RSRC1: variants seen among roughly 807,000 people sequenced by gnomAD.
RSRC1 encodes arginine and serine rich coiled-coil 1, also known as serine/Arginine-related protein 53.
A neutral mutation model predicts 49.1 loss-of-function variants in RSRC1; 39 were observed. That is an observed-to-expected ratio of 0.79 (90% CI 0.61 to 1.04). The LOEUF is 1.04. RSRC1 is among the 50% of genes least tolerant of loss of function. The pLI, the probability that RSRC1 is intolerant of heterozygous loss-of-function variation, is 0.00. For missense variants in RSRC1, 388 were observed against 402.4 expected (o/e 0.96, Z 0.31); for synonymous variants, 143 against 130.8 (o/e 1.09, Z -0.63).
At chr3:158,463,630 G>A (rs1285893519) in intron 7 of RSRC1, among the ~76,000 whole-genome samples, 1 of 152,064 alleles carries the variant, frequency 6.6e-6, no homozygotes, top group African/African-American at 2.4e-5. Flanking sequence ...TCCACTCTCT[G>A]TTATCTCAGA....
chr3:158,238,281 G>A (rs140585257), intron 4 of RSRC1, among the ~76,000 whole-genome samples: 3,673 of 152,218 alleles, frequency 0.024, 156 homozygotes, highest in African/African-American at 0.084. Flanking sequence ...CGTGAAAATG[G>A]CCACACTGCC....
chr3:158,249,584 A>G (rs1400125604), intron 4 of RSRC1, among the ~76,000 whole-genome samples: 1 of 152,202 alleles, frequency 6.6e-6, no homozygotes. Context: ...AAATTCATGT[A>G]TAAGTCTTTG....
chr3:158,123,508 A>T (rs1184804911), intron 2 of RSRC1, among the ~76,000 whole-genome samples: 1 of 151,728 alleles, frequency 6.6e-6, no homozygotes, highest in African/African-American at 2.4e-5. Flanking sequence ...GTGTTGCCCA[A>T]GCTGGTATCG....
chr3:158,421,068 T>G (rs1735018604), intron 6 of RSRC1, among the ~76,000 whole-genome samples: 1 of 151,784 alleles, frequency 6.6e-6, no homozygotes, highest in Admixed American at 6.6e-5. Flanking sequence ...TGCCTGGGAG[T>G]AAAGGGGTTT....
chr3:158,138,723 T>C (rs1006708358), intron 3 of RSRC1, among the ~76,000 whole-genome samples: 1 of 152,244 alleles, frequency 6.6e-6, no homozygotes, highest in Admixed American at 6.5e-5. Flanking sequence ...TAATGTTTCC[T>C]ATATTCCATG....
chr3:158,300,669 A>G (rs560507145), intron 5 of RSRC1, among the ~76,000 whole-genome samples: 1 of 152,330 alleles, frequency 6.6e-6, no homozygotes, highest in African/African-American at 2.4e-5. Flanking sequence ...GTTAAAAAAT[A>G]TATGATAATA....
intron 7 of RSRC1, among the ~76,000 whole-genome samples, chr3:158,477,647 A>G (rs1738425007): frequency 6.6e-6 from 1 of 151,592 alleles, no homozygotes; most frequent in South Asian, 2.1e-4. Context: ...GGAAGAGTAA[A>G]TGTTACTGGG....
At chr3:158,514,984 A>G (rs1310383203) in intron 7 of RSRC1, among the ~76,000 whole-genome samples, 3 of 151,454 alleles carry the variant, frequency 2.0e-5, no homozygotes, top group Admixed American at 2.0e-4. Context: ...ATCTTCCTCC[A>G]TCCTTTTATT....
intron 3 of RSRC1, among the ~76,000 whole-genome samples, chr3:158,168,546 T>C (rs1718672331): frequency 6.6e-6 from 1 of 152,242 alleles, no homozygotes; most frequent in African/African-American, 2.4e-5. Flanking sequence ...TCATTCTTTT[T>C]ATTTATAGAT....
At chr3:158,135,196 C>T (rs1295298747) in intron 3 of RSRC1, among the ~76,000 whole-genome samples, 3 of 151,832 alleles carry the variant, frequency 2.0e-5, no homozygotes, top group Non-Finnish European at 4.4e-5. Context: ...TTTACTGCCA[C>T]ATGTTGTTTT....
intron 5 of RSRC1, among the ~76,000 whole-genome samples, chr3:158,350,817 A>C (rs1312470351): frequency 7.2e-5 from 11 of 152,156 alleles, no homozygotes; most frequent in Non-Finnish European, 1.5e-5. Flanking sequence ...CCATTTACGA[A>C]TTTTAGATGA....
chr3:158,316,705 A>C (rs113384850), intron 5 of RSRC1, among the ~76,000 whole-genome samples: 1 of 151,854 alleles, frequency 6.6e-6, no homozygotes, highest in Admixed American at 6.6e-5. Flanking sequence ...CGGCCTCCCA[A>C]AGTGCTGGGA....
At chr3:158,281,666 G>C (rs1315864416) in intron 4 of RSRC1, among the ~76,000 whole-genome samples, 2 of 152,184 alleles carry the variant, frequency 1.3e-5, no homozygotes, top group Non-Finnish European at 2.9e-5. Flanking sequence ...CATTAATTCA[G>C]CATGGGCTTA....
intron 6 of RSRC1, among the ~76,000 whole-genome samples, chr3:158,361,683 C>A (rs1731484170): frequency 6.6e-6 from 1 of 152,196 alleles, no homozygotes; most frequent in East Asian, 1.9e-4. Context: ...TATGGTAGAT[C>A]CACAGACTTT....
intron 3 of RSRC1, among the ~76,000 whole-genome samples, chr3:158,192,591 C>T (rs902582490): frequency 6.6e-6 from 1 of 151,962 alleles, no homozygotes; most frequent in Non-Finnish European, 1.5e-5. Flanking sequence ...TGCAGTATCC[C>T]GTTTTTCTAT....
intron 4 of RSRC1, among the ~76,000 whole-genome samples, chr3:158,265,484 A>G (rs1725118749): frequency 6.6e-6 from 1 of 152,128 alleles, no homozygotes; most frequent in African/African-American, 2.4e-5. Flanking sequence ...TACAAAAATT[A>G]GCCGGGCGTG....
chr3:158,377,964 G>A (rs554037213), intron 6 of RSRC1, among the ~76,000 whole-genome samples: 3 of 152,120 alleles, frequency 2.0e-5, no homozygotes, highest in African/African-American at 7.2e-5. Context: ...CCCTGCCCCA[G>A]TATTCCTTTA....
At chr3:158,518,883 G>C (rs1485945714) in intron 7 of RSRC1, among the ~76,000 whole-genome samples, 1 of 151,916 alleles carries the variant, frequency 6.6e-6, no homozygotes, top group South Asian at 2.1e-4. Flanking sequence ...TTGTTTACAG[G>C]AACTCAGTCT....
At chr3:158,527,187 T>C (rs1712094955) in intron 7 of RSRC1, among the ~76,000 whole-genome samples, 1 of 146,464 alleles carries the variant, frequency 6.8e-6, no homozygotes, top group South Asian at 2.3e-4. Flanking sequence ...ACTATGTAAC[T>C]CCAAGCTGAC....
Sources: gnomAD v4.1 joint callset for allele counts (sites outside exome capture counted in the v4.1 genomes callset) on GRCh38, gnomAD v4.1.1 for gene constraint, MANE v1.5 for transcripts, NCBI Gene and HGNC (gene_info 2026-07-23, HGNC 2026-07-21) for gene names.